ATP2A1: variants seen among roughly 807,000 people sequenced by gnomAD.
ATP2A1 encodes ATPase sarcoplasmic/endoplasmic reticulum Ca2+ transporting 1, also known as sarcoplasmic/endoplasmic reticulum calcium ATPase 1.
A neutral mutation model predicts 109.5 loss-of-function variants in ATP2A1; 83 were observed. The ratio of observed to expected loss-of-function variants is 0.76; its 90% CI spans 0.63 to 0.91. The LOEUF is 0.91. ATP2A1 is among the 40% of genes least tolerant of loss of function. The probability of loss-of-function intolerance (pLI) is 0.00; values close to 1 mark genes in which losing one functional copy is unlikely to be tolerated. For missense variants in ATP2A1, 1,101 were observed against 1,341.0 expected, an observed-to-expected ratio of 0.82 and a Z score of 2.80; for synonymous variants, 505 against 537.6, an observed-to-expected ratio of 0.94 and a Z score of 0.84.
intron 9 of ATP2A1, among the ~76,000 whole-genome samples, chr16:28,890,565 G>A (rs1963740344): frequency 6.6e-6 from 1 of 152,132 alleles, no homozygotes; most frequent in Non-Finnish European, 1.5e-5. Context: ...TGAGGCGGAA[G>A]GATCACTTGA....
Position 28,903,795 on chromosome 16 carries a change from C to T in ATP2A1, c.*37+54C>T. On this transcript the variant is annotated intron_variant, in intron 22 of 22. Transcript: ENST00000395503. This position sits in a 1 kb window ranked among gnomAD's most constrained non-coding sequence, Gnocchi z 5.6. ...GCTGCTGTGCCCCTGCCACCCGCGC[C>T]CCCTCAGCCCCTTGCGCGTCGCATC... The T allele has an allele frequency of 6.7e-7, 1 of 1,495,428 alleles. No individual in the cohort carries two copies. Among genetic ancestry groups the T allele is most frequent in the Admixed American group, 1.7e-5 (1 of 59,850 alleles). 92.6% of individuals were successfully genotyped at this position (1,495,428 alleles called of 1,614,324 possible).
Position 28,888,774 on chromosome 16 carries a change from T to C in ATP2A1, c.929-13T>C. The C allele has an allele frequency of 1.7e-5, 14 of 844,668 alleles. No homozygotes were observed. Among genetic ancestry groups the C allele is most frequent in the Non-Finnish European group, 2.3e-5 (12 of 527,572 alleles). 52.3% of individuals were successfully genotyped at this position (844,668 alleles called of 1,614,324 possible). On this transcript the variant is annotated splice_polypyrimidine_tract_variant and intron_variant, in intron 8 of 22. Transcript: ENST00000395503. ...CTTGCAGGTTCCCTCACACCCTCCC[T>C]CCCTCCCCACAGGTCTTCCTGCAGT... is the stretch of plus-strand genomic sequence containing the variant.
Position 28,894,878 on chromosome 16 carries a change from G to C in ATP2A1, c.1344G>C (p.Leu448=), listed in dbSNP as rs1963874434. 3 of 1,612,442 alleles carry C rather than the reference G, an allele frequency of 1.9e-6. No homozygotes were observed. The highest frequency in any genetic ancestry group is 1.7e-6 in the Non-Finnish European group (2 of 1,180,014). ...GEATETALTT[L]VEKMNVFNTD... ...CCACCGAGACAGCACTCACCACCCTGGTGGAGAAGATGAATGTGTTCAACA... is the reference window on the plus strand; with the variant it reads ...CCACCGAGACAGCACTCACCACCCTCGTGGAGAAGATGAATGTGTTCAACA... Residue 448 remains leucine, a synonymous_variant, in exon 12 of 23, where the codon CTG becomes CTC. Coordinates refer to ENST00000395503, the MANE Select transcript of ATP2A1 (RefSeq NM_004320.6).
rs1964158607 is a variant in ATP2A1, at chr16:28,903,639, T to C, written c.2981-61T>C. On this transcript the variant is annotated intron_variant, in intron 21 of 22. Transcript: ENST00000395503. This position sits in a 1 kb window ranked among gnomAD's most constrained non-coding sequence, Gnocchi z 5.6. ...CTGCCTCCTCAGCCCCCACAGCCCC[T>C]ATAGCCCCCATGCCACCTCCCTGCC... is the stretch of plus-strand genomic sequence containing the variant. 2 of 1,365,334 alleles carry C rather than the reference T, an allele frequency of 1.5e-6. No individual in the cohort carries two copies. The highest frequency in any genetic ancestry group is 3.0e-5 in the African/African-American group (2 of 67,734). The allele number at this position is 1,365,334 out of a possible 1,614,324, so 84.6% of individuals were successfully genotyped here.
rs1049489310 is a variant in ATP2A1 at position 28,895,644 on chromosome 16, A to G, written c.1419+691A>G. ...AGTTTAAGACCGGCCTGGGCAACAT[A>G]GTGAGACCCGCATCTCTACAAAAAA... On this transcript the variant is annotated intron_variant, in intron 12 of 22. Coordinates refer to ENST00000395503, the MANE Select transcript of ATP2A1 (RefSeq NM_004320.6). Among the ~76,000 whole-genome samples, 19 of 151,964 alleles carry G rather than the reference A, an allele frequency of 1.3e-4. 1 individual carries two copies. The highest frequency in any genetic ancestry group is 1.2e-3 in the Admixed American group (19 of 15,234).
At chr16:28,882,639 C>G in intron 5 of ATP2A1, 50 bp downstream of exon 5, 1 of 1,607,740 alleles carries the variant, frequency 6.2e-7, no homozygotes. Flanking sequence ...GGGGCTGAGG[C>G]CTAGGAGATG....
In ATP2A1 at chr16:28,880,232, C is replaced by A. The variant is rs1341896119; in HGVS notation, c.219+649C>A. On this transcript the variant is annotated intron_variant, in intron 3 of 22. Transcript: ENST00000395503. This position sits in a 1 kb window ranked among gnomAD's most constrained non-coding sequence, Gnocchi z 4.2. ...TCCCGCCCTGGGGGCTACTCCCCAT[C>A]CCGCGGTCCATCTGCATGTCGCGGG... 2.8e-6 allele frequency: 2 copies of A among 705,450 alleles called. No homozygotes were observed. Among genetic ancestry groups the A allele is most frequent in the African/African-American group, 3.9e-5 (2 of 51,460 alleles). 43.7% of individuals were successfully genotyped at this position (705,450 alleles called of 1,614,324 possible). A position where few individuals can be genotyped will look rare whatever the true frequency, so the allele number is the denominator to read the frequency against.
intron 9 of ATP2A1, among the ~76,000 whole-genome samples, chr16:28,891,906 A>T (rs1224327589): frequency 3.9e-5 from 6 of 152,038 alleles, no homozygotes; most frequent in African/African-American, 9.7e-5. Context: ...AAACAAAAAT[A>T]AAAAAGTAAA....
Position 28,899,644 on chromosome 16 carries a change from C to G in ATP2A1, c.1765-937C>G, listed in dbSNP as rs1484441179. 1.9e-3 allele frequency among the ~76,000 whole-genome samples: 19 copies of G among 9,828 alleles called. 1 individual carries two copies. The highest frequency in any genetic ancestry group is 5.7e-3 in the African/African-American group (11 of 1,924). 6.4% of individuals were successfully genotyped at this position (9,828 alleles called of 152,430 possible). A position where few individuals can be genotyped will look rare whatever the true frequency, so the allele number is the denominator to read the frequency against. On this transcript the variant is annotated intron_variant, in intron 14 of 22. Transcript: ENST00000395503. ...ACAGAGCGAGACTCCATCCCCTGCG[C>G]CCGCCCCCCCCCCCCCGAAAAAGAC...
intron 4 of ATP2A1, among the ~76,000 whole-genome samples, chr16:28,881,931 ATTTTTTATTTAGATT>A (rs1198066998): frequency 1.3e-5 from 2 of 151,006 alleles, no homozygotes; most frequent in African/African-American, 4.9e-5. Flanking sequence ...ATTTTCTTTG[ATTTTTTATTTAGATT>A]TTTCTTTTTG....
In ATP2A1 at chr16:28,902,427, AC is replaced by A. The variant is rs779442900; in HGVS notation, c.2524+42del. ...TCCTCGATCCTCCCCACCCCTTGGG[AC>A]TAACCCCCTCTCTGGGACACCAGCT... On this transcript the variant is annotated intron_variant, in intron 17 of 22. Transcript: ENST00000395503. The surrounding 1 kb of genome is among the most constrained non-coding windows in gnomAD (Gnocchi z 4.8). 1.2e-6 allele frequency: 2 copies of A among 1,605,784 alleles called. No individual in the cohort carries two copies. The highest frequency in any genetic ancestry group is 2.2e-5 in the South Asian group (2 of 90,654).
intron 9 of ATP2A1, among the ~76,000 whole-genome samples, chr16:28,891,867 T>C (rs9746702): frequency 0.27 from 41,316 of 151,392 alleles, 6,726 homozygotes; most frequent in Middle Eastern, 0.38. Context: ...GAGTGAGACT[T>C]TGTCTCAAAA....
intron 6 of ATP2A1, among the ~76,000 whole-genome samples, chr16:28,885,644 C>A (rs968599899): frequency 2.0e-5 from 3 of 151,996 alleles, no homozygotes; most frequent in African/African-American, 7.2e-5. Context: ...CTGCACCTGA[C>A]CTGCTTGACG....
chr16:28,887,191 G>A lies in ATP2A1; in HGVS notation c.547G>A (p.Glu183Lys), dbSNP rs768242653. 4 of 1,613,666 alleles carry A rather than the reference G, an allele frequency of 2.5e-6. No homozygotes were observed. Among genetic ancestry groups the A allele is most frequent in the South Asian group, 1.1e-5 (1 of 91,060 alleles). The stretch of plus-strand genomic sequence containing the variant: ...ACCCCTTGGCCCCTTCTCCACAGGC[G>A]AGTCTGTATCTGTCATCAAACACAC... ...LRVDQSILTGESVSVIKHTEP... is the reference protein window; with the variant it reads ...LRVDQSILTGKSVSVIKHTEP... Residue 183 changes from glutamate (E) to lysine (K), a missense_variant and splice_region_variant, in exon 7 of 23, where the codon GAG (glutamate) becomes AAG (lysine). Glu to Lys is a moderately conservative substitution (Grantham distance 56, BLOSUM62 1). Transcript: ENST00000395503.
At chr16:28,896,843 G>GCCA (rs1043709794) in intron 12 of ATP2A1, among the ~76,000 whole-genome samples, 2 of 151,010 alleles carry the variant, frequency 1.3e-5, no homozygotes, top group African/African-American at 4.9e-5. Context: ...ACAGGCACGT[G>GCCA]CCACCACGCC....
intron 14 of ATP2A1, 140 bp from the exon 15 acceptor site, chr16:28,900,441 C>G: frequency 1.2e-6 from 1 of 807,588 alleles, no homozygotes. Flanking sequence ...GGCCCTGAGG[C>G]GGCAAGCCCA....
Position 28,904,421 on chromosome 16 carries a change from T to A in ATP2A1, c.*279T>A. 9.1e-6 allele frequency: 14 copies of A among 1,533,126 alleles called. No individual in the cohort carries two copies. The highest frequency in any genetic ancestry group is 1.2e-5 in the Non-Finnish European group (14 of 1,145,240). The allele number at this position is 1,533,126 out of a possible 1,614,324, so 95.0% of individuals were successfully genotyped here. On this transcript the variant is annotated 3_prime_UTR_variant, in exon 23 of 23. Transcript: ENST00000395503. ...GGCTTGCAGGGACAAGGCGACCGAC[T>A]GCGCTGAGCTGCTTATTTATTGAAA...
chr16:28,898,371 T>G lies in ATP2A1; in HGVS notation c.1684T>G (p.Leu562Val). 9 of 1,614,188 alleles carry G rather than the reference T, an allele frequency of 5.6e-6. No homozygotes were observed. The highest frequency in any genetic ancestry group is 7.6e-6 in the Non-Finnish European group (9 of 1,180,040). The stretch of plus-strand genomic sequence containing the variant: ...CACTGGCCGGGACACCCTGCGCTGC[T>G]TGGCCCTGGCCACCCGGGACACCCC... ...WGTGRDTLRC[L>V]ALATRDTPPK... Residue 562 changes from leucine (L) to valine (V), a missense_variant, in exon 14 of 23, where the codon TTG (leucine) becomes GTG (valine). Transcript: ENST00000395503. The surrounding 1 kb of genome is among the most constrained non-coding windows in gnomAD (Gnocchi z 4.0).
intron 9 of ATP2A1, 68 bp from the exon 10 acceptor site, chr16:28,894,087 T>C: frequency 7.0e-7 from 1 of 1,421,508 alleles, no homozygotes; most frequent in Non-Finnish European, 9.9e-7. Flanking sequence ...CAGGCCTCCC[T>C]TGATGCAGGT....
Sources: allele counts gnomAD v4.1 joint callset (sites outside exome capture counted in the v4.1 genomes callset), GRCh38; gene constraint gnomAD v4.1.1; non-coding constraint Gnocchi (gnomAD v3.1); transcripts MANE v1.5; gene names NCBI Gene and HGNC (gene_info 2026-07-23, HGNC 2026-07-21).